Variants in SELENOF observed in about 807,000 individuals in gnomAD.
SELENOF encodes 15 kDa selenoprotein.
A neutral mutation model predicts 20.5 loss-of-function variants in SELENOF; 16 were observed. That is an observed-to-expected ratio of 0.78 (90% CI 0.53 to 1.19). SELENOF has a LOEUF of 1.19. Ranked by LOEUF, SELENOF falls within the 50% of genes most tolerant of loss-of-function variation. The probability of loss-of-function intolerance (pLI) is 0.00; values close to 1 mark genes in which losing one functional copy is unlikely to be tolerated. For missense variants in SELENOF, 215 were observed against 194.2 expected (o/e 1.11, Z -0.64); for synonymous variants, 78 against 74.5 (o/e 1.05, Z -0.24).
intron 2 of SELENOF, among the ~76,000 whole-genome samples, chr1:86,893,349 A>T (rs1234118885): frequency 6.6e-6 from 1 of 152,006 alleles, no homozygotes; most frequent in Non-Finnish European, 1.5e-5. Context: ...TCACGCCTGT[A>T]ATCCCAGCAC....
At chr1:86,911,015 T>G (rs1659966466) in intron 1 of SELENOF, among the ~76,000 whole-genome samples, 1 of 152,228 alleles carries the variant, frequency 6.6e-6, no homozygotes, top group South Asian at 2.1e-4. Flanking sequence ...ATAGTACTAC[T>G]CTGTATATGT....
At chr1:86,869,708 T>C (rs564918659) in intron 3 of SELENOF, among the ~76,000 whole-genome samples, 3 of 152,034 alleles carry the variant, frequency 2.0e-5, no homozygotes, top group South Asian at 2.1e-4. Flanking sequence ...TTCTTTCTTC[T>C]TTCCTTCCTT....
chr1:86,914,547 G>A (rs1660090104), upstream of SELENOF: 1 of 205,232 alleles, frequency 4.9e-6, no homozygotes, highest in Non-Finnish European at 1.0e-5. Flanking sequence ...ACGGGGGGAG[G>A]GGCGGGGCTT....
intron 2 of SELENOF, among the ~76,000 whole-genome samples, chr1:86,893,474 C>T (rs180688782): frequency 0.026 from 3,847 of 150,496 alleles, 57 homozygotes; most frequent in South Asian, 0.053. Flanking sequence ...AAAAAATAGC[C>T]GGGCGTGGTG....
At chr1:86,914,313 G>A (rs101028), upstream of SELENOF, 15 of 595,462 alleles carry the variant, frequency 2.5e-5, no homozygotes, top group African/African-American at 7.5e-5. Context: ...TCAGGCACTT[G>A]CCTAAACTCC....
chr1:86,894,229 A>C (rs1411889689), intron 2 of SELENOF, among the ~76,000 whole-genome samples: 1 of 149,458 alleles, frequency 6.7e-6, no homozygotes, highest in Non-Finnish European at 1.5e-5. Flanking sequence ...ATTTTTCTTA[A>C]GCCTTTGAAA....
At chr1:86,885,600 A>G (rs962824246) in intron 2 of SELENOF, among the ~76,000 whole-genome samples, 13 of 152,260 alleles carry the variant, frequency 8.5e-5, no homozygotes, top group Admixed American at 3.9e-4. Flanking sequence ...CGAAGCACTT[A>G]AAGTATTTTT....
At chr1:86,887,811 A>T (rs1314232159) in intron 2 of SELENOF, among the ~76,000 whole-genome samples, 1 of 152,180 alleles carries the variant, frequency 6.6e-6, no homozygotes, top group Non-Finnish European at 1.5e-5. Flanking sequence ...TACTTTAGCT[A>T]CAAGTATGAA....
upstream of SELENOF, chr1:86,914,375 A>G (rs1660085051): frequency 3.8e-6 from 2 of 521,226 alleles, no homozygotes; most frequent in East Asian, 3.3e-5. Context: ...CACTTCGTCA[A>G]GCAGCCAAGA....
intron 3 of SELENOF, 79 bp downstream of exon 3, chr1:86,880,583 G>A: frequency 1.4e-6 from 1 of 711,762 alleles, no homozygotes. Flanking sequence ...CTTATTCCTG[G>A]GAATATATAG....
Position 86,863,486 on chromosome 1 carries a change from C to G in SELENOF, c.486G>C (p.Leu162Phe). 6.2e-7 allele frequency: 1 copy of G among 1,611,530 alleles called. No homozygotes were observed. The highest frequency in any genetic ancestry group is 8.5e-7 in the Non-Finnish European group (1 of 1,179,010). The change falls in exon 5 of 5, where the codon TTG becomes TTC. Residue 162 changes from leucine to phenylalanine, a missense_variant. By Grantham distance (22) the Leu-to-Phe change is conservative. Coordinates refer to ENST00000331835, the MANE Select transcript of SELENOF (RefSeq NM_004261.5). ...DSVEEFLSEKLERI is the reference protein window; with the variant it reads ...DSVEEFLSEKFERI Reference sequence around the variant, plus strand: ...ATTTAAGCAAGATTTATATGCGTTCCAACTTTTCACTCAGGAATTCTTCTA... The same window carrying G: ...ATTTAAGCAAGATTTATATGCGTTCGAACTTTTCACTCAGGAATTCTTCTA...
chr1:86,912,638 C>G (rs988509335), intron 1 of SELENOF, among the ~76,000 whole-genome samples: 1 of 152,164 alleles, frequency 6.6e-6, no homozygotes, highest in African/African-American at 2.4e-5. Flanking sequence ...AGAAGTTGGT[C>G]TAGCCGACTG....
chr1:86,863,647 AC>A, intron 4 of SELENOF, 42 bp from the exon 5 acceptor site: 1 of 1,601,386 alleles, frequency 6.2e-7, no homozygotes, highest in Non-Finnish European at 8.5e-7. Context: ...CTGTTCAGAA[AC>A]AACCTTCTCA....
At chr1:86,886,958 T>TA (rs1278846172) in intron 2 of SELENOF, among the ~76,000 whole-genome samples, 10 of 152,154 alleles carry the variant, frequency 6.6e-5, no homozygotes, top group African/African-American at 2.2e-4. Context: ...AGTATAATTT[T>TA]AAAAAATCAA....
chr1:86,908,725 C>G (rs926415866), intron 1 of SELENOF, among the ~76,000 whole-genome samples: 2 of 152,134 alleles, frequency 1.3e-5, no homozygotes, highest in Non-Finnish European at 2.9e-5. Context: ...AATTATCATT[C>G]TATACTGCTT....
intron 4 of SELENOF, among the ~76,000 whole-genome samples, chr1:86,865,543 G>A (rs1255078666): frequency 6.6e-6 from 1 of 152,112 alleles, no homozygotes; most frequent in Non-Finnish European, 1.5e-5. Flanking sequence ...TTTATTTTAA[G>A]AGAAATGCAA....
intron 2 of SELENOF, among the ~76,000 whole-genome samples, chr1:86,890,836 A>C (rs1489741255): frequency 6.6e-6 from 1 of 151,968 alleles, no homozygotes; most frequent in Non-Finnish European, 1.5e-5. Flanking sequence ...AACTGTTTTT[A>C]GTTCTGTTGG....
chr1:86,869,208 C>T (rs1271714192), intron 3 of SELENOF, among the ~76,000 whole-genome samples: 1 of 151,760 alleles, frequency 6.6e-6, no homozygotes, highest in East Asian at 1.9e-4. Context: ...TTAAAATGTA[C>T]GTACTTTGTA....
At chr1:86,869,345 T>G (rs1658694007) in intron 3 of SELENOF, among the ~76,000 whole-genome samples, 1 of 152,206 alleles carries the variant, frequency 6.6e-6, no homozygotes, top group Non-Finnish European at 1.5e-5. Flanking sequence ...CAAATTAATA[T>G]GTACCACATA....
Sources: allele counts gnomAD v4.1 joint callset (sites outside exome capture counted in the v4.1 genomes callset), GRCh38; gene constraint gnomAD v4.1.1; transcripts MANE v1.5; gene names NCBI Gene and HGNC (gene_info 2026-07-23, HGNC 2026-07-21).